Variants in ZNF790 observed in about 807,000 individuals in gnomAD.
ZNF790 encodes the protein zinc finger protein 790.
ZNF790 carries 8 observed loss-of-function variants against 12.1 expected under a neutral mutation model. That is an observed-to-expected ratio of 0.66 (90% CI 0.39 to 1.19). ZNF790 has a LOEUF of 1.19. Ranked by LOEUF, ZNF790 falls within the 50% of genes most tolerant of loss-of-function variation. The pLI, the probability that ZNF790 is intolerant of heterozygous loss-of-function variation, is 0.01. For missense variants in ZNF790, 707 were observed against 752.2 expected (o/e 0.94, Z 0.70); for synonymous variants, 252 against 244.3 (o/e 1.03, Z -0.29).
chr19:36,838,819 A>G (rs1164128438), upstream of ZNF790, among the ~76,000 whole-genome samples: 2 of 152,160 alleles, frequency 1.3e-5, no homozygotes, highest in Non-Finnish European at 2.9e-5. This position sits in a 1 kb window ranked among gnomAD's most constrained non-coding sequence, Gnocchi z 4.4. Context: ...CCTCTGACCT[A>G]TGTGGCATGG....
intron 1 of ZNF790, among the ~76,000 whole-genome samples, chr19:36,843,838 G>A (rs543781429): frequency 4.6e-5 from 7 of 151,264 alleles, no homozygotes; most frequent in Non-Finnish European, 2.9e-5. Flanking sequence ...GAGAAACCCC[G>A]TCTCTACTAA....
chr19:36,823,572 A>C, intron 3 of ZNF790, 95 bp downstream of exon 3: 2 of 1,513,190 alleles, frequency 1.3e-6, no homozygotes, highest in Middle Eastern at 1.8e-4. Context: ...TTTTCTAAAA[A>C]ACAAAGGTCA....
chr19:36,830,744 A>T (rs2071930255), intron 1 of ZNF790, among the ~76,000 whole-genome samples: 1 of 152,236 alleles, frequency 6.6e-6, no homozygotes, highest in Admixed American at 6.5e-5. Context: ...CCCTTGCCCC[A>T]TTCACTTTTT....
intron 3 of ZNF790, 75 bp downstream of exon 3, chr19:36,823,592 C>G (rs866972958): frequency 1.3e-6 from 2 of 1,560,088 alleles, no homozygotes; most frequent in East Asian, 4.5e-5. Context: ...AGAAGTTACC[C>G]TGGACATTTA....
At position 36,818,844 on chromosome 19, in the gene ZNF790, A is replaced by G; in HGVS notation, c.1500T>C (p.His500=). The G allele has an allele frequency of 1.9e-6, 3 of 1,613,698 alleles. No individual in the cohort carries two copies. The East Asian group carries it at 6.7e-5, about 36-fold the overall frequency. Reference sequence around the variant, plus strand: ...CACATTCATATGGCCTCTTTCCAGTATGAATTTTCTGGTGTCGATTAAGTT... The same window carrying G: ...CACATTCATATGGCCTCTTTCCAGTGTGAATTTTCTGGTGTCGATTAAGTT... ...GSELNRHQKI[H]TGKRPYECEE... The change falls in exon 5 of 5, where the codon CAT becomes CAC. Residue 500 remains histidine (H), a synonymous_variant. Transcript: ENST00000356725.
At chr19:36,841,849 G>C (rs181385254), upstream of ZNF790, among the ~76,000 whole-genome samples, 6 of 117,154 alleles carry the variant, frequency 5.1e-5, no homozygotes, top group East Asian at 1.8e-3. Flanking sequence ...ACTCCATCTC[G>C]GGGTGGGGGG....
At position 36,817,914 on chromosome 19, in the gene ZNF790, C is replaced by T. The variant is rs984289016; in HGVS notation, c.*519G>A. 2 of 152,332 alleles carry T rather than the reference C, an allele frequency of 1.3e-5. No homozygotes were observed. The highest frequency in any genetic ancestry group is 1.3e-4 in the Admixed American group (2 of 15,290). 9.4% of individuals were successfully genotyped at this position (152,332 alleles called of 1,614,324 possible). On this transcript the variant is annotated 3_prime_UTR_variant, in exon 5 of 5. Coordinates refer to ENST00000356725, the MANE Select transcript of ZNF790 (RefSeq NM_206894.4). ...CTTGGCTCACTGCAACCTCCACCTCCCAGGTTCAAGGAATTCTCATGCCTC... is the reference window on the plus strand; with the variant it reads ...CTTGGCTCACTGCAACCTCCACCTCTCAGGTTCAAGGAATTCTCATGCCTC...
chr19:36,827,137 C>CATATAT (rs1568338007), intron 1 of ZNF790, among the ~76,000 whole-genome samples: 43 of 72,566 alleles, frequency 5.9e-4, no homozygotes, highest in African/African-American at 2.5e-3. Context: ...CACACACACA[C>CATATAT]ACACATATAT....
chr19:36,830,793 C>CT (rs1451622945), intron 1 of ZNF790, among the ~76,000 whole-genome samples: 4 of 152,200 alleles, frequency 2.6e-5, no homozygotes. Flanking sequence ...CCAGGAAAAT[C>CT]TATTACATCC....
intron 1 of ZNF790, among the ~76,000 whole-genome samples, chr19:36,826,618 A>T (rs1004615139): frequency 4.6e-4 from 26 of 56,552 alleles, no homozygotes; most frequent in Non-Finnish European, 9.2e-4. Flanking sequence ...TTTTATAATT[A>T]TCTATAATTA....
Position 36,817,473 on chromosome 19 carries a change from G to T in ZNF790, c.*960C>A, listed in dbSNP as rs2071575892. ...GATTTTTTTTCAGAATTAACATTCT[G>T]ATGTTCAGTAAGACATAAATAGAGA... On this transcript the variant is annotated 3_prime_UTR_variant, in exon 5 of 5. Transcript: ENST00000356725. 6.6e-6 allele frequency: 1 copy of T among 151,590 alleles called. No individual in the cohort carries two copies. The highest frequency in any genetic ancestry group is 1.5e-5 in the Non-Finnish European group (1 of 67,926). 9.4% of individuals were successfully genotyped at this position (151,590 alleles called of 1,614,324 possible).
Position 36,825,699 on chromosome 19 carries a change from G to A in ZNF790, c.-73-7C>T. ...GCGTGCTGGGAAAGCAGAGCTAGAA[G>A]GAAAGAATCACAAGGTCAGGCCTTT... On this transcript the variant is annotated splice_region_variant and splice_polypyrimidine_tract_variant and intron_variant, in intron 1 of 4. Transcript: ENST00000356725. The A allele has an allele frequency of 6.7e-7, 1 of 1,495,478 alleles. No individual in the cohort carries two copies. Among genetic ancestry groups the A allele is most frequent in the East Asian group, 2.3e-5 (1 of 44,342 alleles). 92.6% of individuals were successfully genotyped at this position (1,495,478 alleles called of 1,614,324 possible). A position where few individuals can be genotyped will look rare whatever the true frequency, so the allele number is the denominator to read the frequency against.
In ZNF790 at chr19:36,819,074, A is replaced by C. The variant is rs765437284; in HGVS notation, c.1270T>G (p.Cys424Gly). ...GTAAAAGTCTTCCCGCATTGCTTAC[A>C]TTCATAAGGTTTCCTGCCAGTATGA... is the stretch of plus-strand genomic sequence containing the variant. ...RIHTGRKPYE[C>G]KQCGKTFTWA... Residue 424 changes from cysteine (C) to glycine (G), a missense_variant, in exon 5 of 5, where the codon TGT (cysteine) becomes GGT (glycine). Cys to Gly is a radical substitution (Grantham distance 159). Coordinates refer to ENST00000356725, the MANE Select transcript of ZNF790 (RefSeq NM_206894.4). The C allele has an allele frequency of 6.2e-7, 1 of 1,614,022 alleles. No homozygotes were observed. The highest frequency in any genetic ancestry group is 8.5e-7 in the Non-Finnish European group (1 of 1,179,950).
At chr19:36,846,833 T>C (rs1448395866) in intron 1 of ZNF790, among the ~76,000 whole-genome samples, 2 of 152,200 alleles carry the variant, frequency 1.3e-5, no homozygotes, top group Non-Finnish European at 2.9e-5. Flanking sequence ...TTGGGGACCT[T>C]ACCAAAAACA....
At chr19:36,827,464 T>A (rs1448656698) in intron 1 of ZNF790, among the ~76,000 whole-genome samples, 1 of 151,972 alleles carries the variant, frequency 6.6e-6, no homozygotes, top group Non-Finnish European at 1.5e-5. Flanking sequence ...GTTCAACCTG[T>A]TTTTGCGATT....
At chr19:36,826,350 C>T (rs1235235605) in intron 1 of ZNF790, among the ~76,000 whole-genome samples, 1 of 151,796 alleles carries the variant, frequency 6.6e-6, no homozygotes, top group South Asian at 2.1e-4. Context: ...CTTTGGGAGG[C>T]GAGGCGGGCA....
chr19:36,822,323 A>G (rs2071691964), intron 4 of ZNF790, among the ~76,000 whole-genome samples: 1 of 152,310 alleles, frequency 6.6e-6, no homozygotes, highest in East Asian at 1.9e-4. Flanking sequence ...ATTAAATTTT[A>G]AAAAAGGGAG....
chr19:36,824,793 T>C (rs2071761697), intron 2 of ZNF790, among the ~76,000 whole-genome samples: 1 of 152,038 alleles, frequency 6.6e-6, no homozygotes, highest in Non-Finnish European at 1.5e-5. Context: ...AAGCAGTCTT[T>C]ACTGGGCACA....
At position 36,838,087 on chromosome 19, in the gene ZNF790, ACGT is replaced by A. The variant is rs1231343840; in HGVS notation, c.-74+247_-74+249del. On this transcript the variant is annotated intron_variant, in intron 1 of 4. Transcript: ENST00000356725. The surrounding 1 kb of genome is among the most constrained non-coding windows in gnomAD (Gnocchi z 4.4). ...TTAGGGTCACACACAGCGCCTGTCA[ACGT>A]CGTGTGCGCGTGCGCGCACACACAC... The A allele has an allele frequency of 6.6e-6, 1 of 150,508 alleles. No homozygotes were observed. The highest frequency in any genetic ancestry group is 1.9e-4 in the East Asian group (1 of 5,158). The allele number at this position is 150,508 out of a possible 1,614,324, so 9.3% of individuals were successfully genotyped here.
Sources: allele counts gnomAD v4.1 joint callset (sites outside exome capture counted in the v4.1 genomes callset), GRCh38; gene constraint gnomAD v4.1.1; non-coding constraint Gnocchi (gnomAD v3.1); transcripts MANE v1.5; gene names NCBI Gene and HGNC (gene_info 2026-07-23, HGNC 2026-07-21).